Variants in NEGR1 observed in about 807,000 individuals in gnomAD.
The protein encoded by NEGR1 is neuronal growth regulator 1, also known as IgLON family member 4.
A neutral mutation model predicts 40.9 loss-of-function variants in NEGR1; 10 were observed. The ratio of observed to expected loss-of-function variants is 0.24; its 90% CI spans 0.15 to 0.42. The LOEUF (loss-of-function observed/expected upper bound fraction) is 0.42. Among genes scored for constraint, NEGR1 ranks in the 10% least tolerant of loss-of-function variants. The pLI, the probability that NEGR1 is intolerant of heterozygous loss-of-function variation, is 1.00. For synonymous variants in NEGR1, 185 were observed against 166.8 expected (o/e 1.11, Z -0.84); for missense variants, 352 against 438.9 (o/e 0.80, Z 1.77).
intron 3 of NEGR1, among the ~76,000 whole-genome samples, chr1:71,752,408 G>A (rs114536999): frequency 8.4e-4 from 128 of 152,064 alleles, no homozygotes; most frequent in South Asian, 2.3e-3. Context: ...CATGTAGTTT[G>A]TTGACTCCTG....
intron 5 of NEGR1, among the ~76,000 whole-genome samples, chr1:71,602,337 T>C (rs1649950962): frequency 7.2e-4 from 1 of 1,380 alleles, no homozygotes; most frequent in African/African-American, 8.6e-4. Flanking sequence ...AAGCTCCGCC[T>C]CCCGGGTTCA....
chr1:71,872,625 C>A (rs1271775044), intron 2 of NEGR1, among the ~76,000 whole-genome samples: 1 of 152,140 alleles, frequency 6.6e-6, no homozygotes, highest in African/African-American at 2.4e-5. Flanking sequence ...GCAACATGAG[C>A]AAGAAATAAA....
intron 6 of NEGR1, among the ~76,000 whole-genome samples, chr1:71,549,278 G>A (rs72940319): frequency 0.046 from 7,036 of 151,708 alleles, 552 homozygotes; most frequent in African/African-American, 0.16. Context: ...CATGCTACAC[G>A]CATATTTGTA....
At chr1:72,222,400 A>G (rs1341168752) in intron 1 of NEGR1, among the ~76,000 whole-genome samples, 1 of 152,192 alleles carries the variant, frequency 6.6e-6, no homozygotes, top group Non-Finnish European at 1.5e-5. Context: ...TGCAAAGACT[A>G]GAATAAATCT....
At chr1:71,922,717 A>G (rs1645732328) in intron 2 of NEGR1, among the ~76,000 whole-genome samples, 1 of 152,204 alleles carries the variant, frequency 6.6e-6, no homozygotes, top group African/African-American at 2.4e-5. Context: ...ACTTTGGAAA[A>G]AGAAAGATTA....
intron 3 of NEGR1, among the ~76,000 whole-genome samples, chr1:71,759,438 C>G (rs758069001): frequency 6.7e-6 from 1 of 150,302 alleles, no homozygotes; most frequent in Non-Finnish European, 1.5e-5. Context: ...GCTAGAATTA[C>G]AGGCGCATGC....
chr1:71,788,843 T>C (rs1047200377), intron 2 of NEGR1, among the ~76,000 whole-genome samples: 1 of 152,126 alleles, frequency 6.6e-6, no homozygotes, highest in Non-Finnish European at 1.5e-5. Context: ...TGTCATTTGC[T>C]ATGCACTAGG....
chr1:71,538,933 T>C (rs1190342857), intron 6 of NEGR1, among the ~76,000 whole-genome samples: 1 of 151,752 alleles, frequency 6.6e-6, no homozygotes, highest in African/African-American at 2.4e-5. Flanking sequence ...ATTTTTCTTA[T>C]ACATTACTAA....
chr1:72,031,833 G>C (rs550576155), intron 1 of NEGR1, among the ~76,000 whole-genome samples: 1 of 152,208 alleles, frequency 6.6e-6, no homozygotes, highest in African/African-American at 2.4e-5. Flanking sequence ...GGAATGAACT[G>C]ACTCATGATG....
At chr1:72,054,427 A>T (rs1294036873) in intron 1 of NEGR1, among the ~76,000 whole-genome samples, 1 of 151,310 alleles carries the variant, frequency 6.6e-6, no homozygotes, top group East Asian at 1.9e-4. Context: ...ACTGATTATT[A>T]TTCTACTTCC....
intron 4 of NEGR1, among the ~76,000 whole-genome samples, chr1:71,697,778 C>T (rs1003839779): frequency 6.6e-6 from 1 of 151,764 alleles, no homozygotes. Context: ...GAGTATTAAA[C>T]ACATTTCACT....
At chr1:71,575,827 CA>C (rs1384359404) in intron 6 of NEGR1, among the ~76,000 whole-genome samples, 1 of 151,808 alleles carries the variant, frequency 6.6e-6, no homozygotes, top group African/African-American at 2.4e-5. Context: ...AAACAAAAAA[CA>C]AAAAGCACAA....
intron 3 of NEGR1, among the ~76,000 whole-genome samples, chr1:71,764,505 G>A (rs141765414): frequency 1.3e-5 from 2 of 151,912 alleles, no homozygotes; most frequent in African/African-American, 2.4e-5. Flanking sequence ...AAGTAAATCC[G>A]AGTGATTTTC....
At chr1:71,452,945 CAAG>C (rs1159853694) in intron 6 of NEGR1, among the ~76,000 whole-genome samples, 1 of 151,994 alleles carries the variant, frequency 6.6e-6, no homozygotes, top group Non-Finnish European at 1.5e-5. Context: ...CTTTGACTTC[CAAG>C]AAGATGAAAT....
At chr1:71,742,391 G>T (rs932994582) in intron 3 of NEGR1, among the ~76,000 whole-genome samples, 7 of 152,126 alleles carry the variant, frequency 4.6e-5, no homozygotes, top group Admixed American at 2.6e-4. Context: ...TGGGAGTTCT[G>T]CCCCACTGGG....
intron 6 of NEGR1, among the ~76,000 whole-genome samples, chr1:71,583,687 G>T (rs1399836962): frequency 6.6e-6 from 1 of 152,056 alleles, no homozygotes; most frequent in Non-Finnish European, 1.5e-5. Context: ...CTATAGTTAT[G>T]GTCACTAATT....
intron 2 of NEGR1, among the ~76,000 whole-genome samples, chr1:71,868,426 T>TGATAGA (rs879776745): frequency 0.033 from 4,931 of 149,846 alleles, 167 homozygotes; most frequent in African/African-American, 0.079. Context: ...ATTAAATAGA[T>TGATAGA]AGATGATAGA....
At chr1:71,540,997 A>G (rs77123263) in intron 6 of NEGR1, among the ~76,000 whole-genome samples, 2,528 of 151,702 alleles carry the variant, frequency 0.017, 23 homozygotes, top group Non-Finnish European at 0.025. Context: ...ATGAGAACTC[A>G]CTATTGCAAA....
chr1:71,803,482 C>T (rs1029751169), intron 2 of NEGR1, among the ~76,000 whole-genome samples: 3 of 152,154 alleles, frequency 2.0e-5, no homozygotes, highest in Non-Finnish European at 2.9e-5. Context: ...TTCCTCTCTA[C>T]ATCCTGTTGC....
Sources: gnomAD v4.1 joint callset for allele counts (sites outside exome capture counted in the v4.1 genomes callset) on GRCh38, gnomAD v4.1.1 for gene constraint, MANE v1.5 for transcripts, NCBI Gene and HGNC (gene_info 2026-07-23, HGNC 2026-07-21) for gene names.